The following WDR7 variants were observed in gnomAD, a reference collection of about 807,000 sequenced individuals.
WDR7 encodes WD repeat-containing protein 7.
In WDR7, 46 loss-of-function variants were observed where a neutral mutation model predicts 169.4. The ratio of observed to expected loss-of-function variants is 0.27; its 90% CI spans 0.21 to 0.35. The LOEUF (loss-of-function observed/expected upper bound fraction) is 0.35, where lower values mean the gene tolerates loss of function less well. Ranked by LOEUF, WDR7 falls within the 10% of genes least tolerant of loss-of-function variation. The probability of loss-of-function intolerance (pLI) is 1.00; values close to 1 mark genes in which losing one functional copy is unlikely to be tolerated. For missense variants in WDR7, 1,534 were observed against 1,859.3 expected (o/e 0.83, Z 3.22); for synonymous variants, 612 against 666.8 (o/e 0.92, Z 1.27).
chr18:56,672,837 C>G (rs1316847335), intron 2 of WDR7, among the ~76,000 whole-genome samples, 163 bp downstream of exon 2: 1 of 152,148 alleles, frequency 6.6e-6, no homozygotes, highest in Non-Finnish European at 1.5e-5. Flanking sequence ...CACTATTCAT[C>G]AGAGTTGACT....
chr18:56,968,293 A>C (rs1441984609), intron 26 of WDR7, among the ~76,000 whole-genome samples: 1 of 152,206 alleles, frequency 6.6e-6, no homozygotes, highest in African/African-American at 2.4e-5. Context: ...CATGTTGTTC[A>C]ACTAAAAAAC....
intron 20 of WDR7, among the ~76,000 whole-genome samples, chr18:56,820,612 A>G (rs557046281): frequency 2.1e-4 from 32 of 152,244 alleles, no homozygotes; most frequent in South Asian, 1.0e-3. Flanking sequence ...CAGAACTTAC[A>G]TGTGTCTGTA....
At chr18:56,916,640 TA>T (rs1332079934) in intron 21 of WDR7, among the ~76,000 whole-genome samples, 1 of 152,200 alleles carries the variant, frequency 6.6e-6, no homozygotes, top group Non-Finnish European at 1.5e-5. Flanking sequence ...AACTATTTTT[TA>T]AAAAAACTGC....
chr18:56,944,309 G>A (rs1218616185), intron 25 of WDR7, among the ~76,000 whole-genome samples: 7 of 152,050 alleles, frequency 4.6e-5, no homozygotes, highest in African/African-American at 1.7e-4. Flanking sequence ...TAGTTCTCAT[G>A]TGCACCTGGG....
At chr18:56,959,848 C>T (rs540765256) in intron 25 of WDR7, among the ~76,000 whole-genome samples, 3 of 152,116 alleles carry the variant, frequency 2.0e-5, no homozygotes, top group Non-Finnish European at 4.4e-5. Context: ...TACCATCCTT[C>T]GTCTTGACAG....
intron 5 of WDR7, among the ~76,000 whole-genome samples, 199 bp downstream of exon 5, chr18:56,683,052 C>T (rs2025380423): frequency 6.6e-6 from 1 of 152,166 alleles, no homozygotes; most frequent in African/African-American, 2.4e-5. Context: ...GTTGGCTTAT[C>T]TCCATTCCAT....
intron 16 of WDR7, among the ~76,000 whole-genome samples, chr18:56,767,874 A>G (rs2044091548): frequency 1.3e-5 from 2 of 152,190 alleles, no homozygotes; most frequent in African/African-American, 4.8e-5. Flanking sequence ...TTTTTCTGCA[A>G]CAGTATATGT....
chr18:56,744,869 A>C (rs924051935), intron 14 of WDR7, among the ~76,000 whole-genome samples: 2 of 152,144 alleles, frequency 1.3e-5, no homozygotes, highest in Non-Finnish European at 2.9e-5. Flanking sequence ...GTGTGGCCAG[A>C]GTGGGGATAT....
intron 26 of WDR7, among the ~76,000 whole-genome samples, chr18:56,966,869 A>G (rs548968740): frequency 6.6e-6 from 1 of 152,102 alleles, no homozygotes; most frequent in Non-Finnish European, 1.5e-5. Context: ...ACTGGATTCA[A>G]GAAGGACAGA....
In WDR7 at chr18:56,988,124, A is replaced by G. The variant is rs547299200; in HGVS notation, c.4164+25595A>G. On this transcript the variant is annotated intron_variant, in intron 26 of 27. Coordinates refer to ENST00000254442, the MANE Select transcript of WDR7 (RefSeq NM_015285.3). ...CCAGATTTAAGTTGATTAAGGTATC[A>G]TTCATCTTAGGTACTGTTCATCCGA... 3.9e-5 allele frequency among the ~76,000 whole-genome samples: 6 copies of G among 152,284 alleles called. No individual in the cohort carries two copies. The South Asian group carries it at 1.0e-3, about 26-fold the overall frequency.
chr18:56,699,086 C>A (rs1251595601), intron 12 of WDR7, among the ~76,000 whole-genome samples: 1 of 152,030 alleles, frequency 6.6e-6, no homozygotes, highest in Non-Finnish European at 1.5e-5. Flanking sequence ...TTTTAAAATT[C>A]TTATTCAAAA....
At chr18:56,723,097 A>G (rs1012678365) in intron 13 of WDR7, among the ~76,000 whole-genome samples, 12 of 152,114 alleles carry the variant, frequency 7.9e-5, no homozygotes, top group African/African-American at 2.9e-4. Context: ...TTTTACACAG[A>G]CCAGTTGCTC....
chr18:56,714,122 A>G (rs1334389018), intron 12 of WDR7, among the ~76,000 whole-genome samples: 1 of 152,222 alleles, frequency 6.6e-6, no homozygotes, highest in Non-Finnish European at 1.5e-5. Flanking sequence ...TGAAATCAAA[A>G]TTAATGAGGT....
chr18:56,869,382 A>G (rs2045923536), intron 20 of WDR7, among the ~76,000 whole-genome samples: 1 of 152,218 alleles, frequency 6.6e-6, no homozygotes, highest in Non-Finnish European at 1.5e-5. Flanking sequence ...TCGTGCATAC[A>G]TACAAATTAA....
At chr18:57,032,611 T>G (rs2048446769), downstream of WDR7, 1 of 151,912 alleles carries the variant, frequency 6.6e-6, no homozygotes, top group Non-Finnish European at 1.5e-5. Flanking sequence ...CGGCATTAGA[T>G]TCTCATAAGA....
intron 21 of WDR7, among the ~76,000 whole-genome samples, chr18:56,901,996 A>C (rs892401300): frequency 3.9e-5 from 6 of 152,124 alleles, no homozygotes; most frequent in Admixed American, 2.0e-4. Context: ...TCAGACTTTT[A>C]AGTGCTACAG....
chr18:56,910,040 A>G (rs942853078), intron 21 of WDR7, among the ~76,000 whole-genome samples: 3 of 152,176 alleles, frequency 2.0e-5, no homozygotes, highest in Non-Finnish European at 4.4e-5. Flanking sequence ...ACACCCTGCC[A>G]TACATATGTA....
chr18:56,737,338 T>G (rs1283235558), intron 14 of WDR7, among the ~76,000 whole-genome samples: 27 of 152,240 alleles, frequency 1.8e-4, no homozygotes, highest in Admixed American at 1.8e-3. Flanking sequence ...TAAAGAGATC[T>G]TGGGCTAAAG....
chr18:56,774,214 T>G (rs143755499), intron 16 of WDR7, among the ~76,000 whole-genome samples: 1,944 of 152,192 alleles, frequency 0.013, 18 homozygotes, highest in East Asian at 0.032. Flanking sequence ...TAGAATCAAA[T>G]TTAAATGGAG....
Sources: allele counts gnomAD v4.1 joint callset (sites outside exome capture counted in the v4.1 genomes callset), GRCh38; gene constraint gnomAD v4.1.1; transcripts MANE v1.5; gene names NCBI Gene and HGNC (gene_info 2026-07-23, HGNC 2026-07-21).